Variants in DTNB observed in about 807,000 individuals in gnomAD.
The protein encoded by DTNB is DTN-B.
DTNB carries 63 observed loss-of-function variants against 90.7 expected under a neutral mutation model. The observed-to-expected ratio is 0.69, with a 90% CI of 0.57 to 0.86. DTNB has a LOEUF of 0.86. Among genes scored for constraint, DTNB ranks in the 40% least tolerant of loss-of-function variants. The probability of loss-of-function intolerance (pLI) is 0.00; values close to 1 mark genes in which losing one functional copy is unlikely to be tolerated. For synonymous variants in DTNB, 277 were observed against 286.7 expected (o/e 0.97, Z 0.34); for missense variants, 744 against 807.1 (o/e 0.92, Z 0.95).
At chr2:25,546,174 G>A (rs2082362458) in intron 8 of DTNB, among the ~76,000 whole-genome samples, 2 of 152,140 alleles carry the variant, frequency 1.3e-5, no homozygotes, top group South Asian at 4.1e-4. Flanking sequence ...CAACCAATCA[G>A]AACTAGGCAA....
At chr2:25,458,623 C>A (rs1558614204) in intron 10 of DTNB, among the ~76,000 whole-genome samples, 1 of 151,868 alleles carries the variant, frequency 6.6e-6, no homozygotes, top group African/African-American at 2.4e-5. Context: ...TGTGTACCCC[C>A]ACACCCGGCT....
chr2:25,578,185 A>AT (rs1404439734), intron 7 of DTNB, among the ~76,000 whole-genome samples: 1 of 152,218 alleles, frequency 6.6e-6, no homozygotes, highest in Admixed American at 6.5e-5. Context: ...GTATGAGGTG[A>AT]TAAAAACAAT....
Position 25,653,478 on chromosome 2 carries a change from GCTTTCTTTCTTTCTTT to G in DTNB, c.-1-833_-1-818del, listed in dbSNP as rs1201675268. On this transcript the variant is annotated intron_variant, in intron 1 of 20. Transcript: ENST00000406818. Reference sequence around the variant, plus strand: ...AGGAAAAGAAAACTGTTCAGAGCTTGCTTTCTTTCTTTCTTTCTTTCTTTCTTTCTTTCTTTCTTTT... The same window carrying G: ...AGGAAAAGAAAACTGTTCAGAGCTTGCTTTCTTTCTTTCTTTCTTTCTTTT... Among the ~76,000 whole-genome samples, 32 of 116,610 alleles carry G rather than the reference GCTTTCTTTCTTTCTTT, an allele frequency of 2.7e-4. 1 individual carries two copies. The highest frequency in any genetic ancestry group is 6.4e-4 in the African/African-American group (18 of 28,034). The allele number at this position is 116,610 out of a possible 152,430, so 76.5% of individuals were successfully genotyped here.
intron 9 of DTNB, among the ~76,000 whole-genome samples, chr2:25,523,963 G>A (rs755671565): frequency 1.3e-5 from 2 of 148,772 alleles, no homozygotes; most frequent in South Asian, 2.1e-4. Context: ...GTGCAATGGC[G>A]TGATCTTGGC....
chr2:25,581,864 A>G (rs543705309), intron 6 of DTNB, among the ~76,000 whole-genome samples: 1 of 152,368 alleles, frequency 6.6e-6, no homozygotes, highest in East Asian at 1.9e-4. Context: ...AGAAGAGCCC[A>G]GACAACAGGG....
chr2:25,487,502 A>C (rs776644706), intron 9 of DTNB, among the ~76,000 whole-genome samples: 43 of 152,264 alleles, frequency 2.8e-4, no homozygotes, highest in Middle Eastern at 3.4e-3. Context: ...TTGGGTTTCC[A>C]TATCTGTGGG....
intron 12 of DTNB, among the ~76,000 whole-genome samples, chr2:25,448,149 T>TGTAGA (rs2058704495): frequency 2.6e-5 from 4 of 152,238 alleles, no homozygotes; most frequent in African/African-American, 9.6e-5. Flanking sequence ...CACAGCTCCC[T>TGTAGA]GCATTTTTCC....
chr2:25,589,694 T>C (rs2063184583), intron 6 of DTNB, among the ~76,000 whole-genome samples: 3 of 152,166 alleles, frequency 2.0e-5, no homozygotes, highest in Admixed American at 2.0e-4. Flanking sequence ...TTCATAAAGA[T>C]AGGCATCAAA....
chr2:25,385,487 C>T (rs2039220082), intron 18 of DTNB, among the ~76,000 whole-genome samples: 1 of 152,210 alleles, frequency 6.6e-6, no homozygotes, highest in African/African-American at 2.4e-5. Context: ...TACCTACAGG[C>T]TTCAGTGACT....
Position 25,504,687 on chromosome 2 carries a change from T to A in DTNB, c.1002-21814A>T, listed in dbSNP as rs887308331. On this transcript the variant is annotated intron_variant, in intron 9 of 20. Coordinates refer to ENST00000406818, the MANE Select transcript of DTNB (RefSeq NM_021907.5). Reference sequence around the variant, plus strand: ...ATTTAACCAAAGTGTGAAGCTTGTATACTGAAAATTATAAAACATCATTGA... The same window carrying A: ...ATTTAACCAAAGTGTGAAGCTTGTAAACTGAAAATTATAAAACATCATTGA... Among the ~76,000 whole-genome samples the A allele has an allele frequency of 2.6e-5, 4 of 152,296 alleles. No individual in the cohort carries two copies. In the East Asian group the frequency reaches 7.7e-4, roughly 29 times the overall value.
chr2:25,581,958 G>A (rs973372006), intron 6 of DTNB, among the ~76,000 whole-genome samples: 76 of 152,198 alleles, frequency 5.0e-4, no homozygotes, highest in African/African-American at 1.7e-3. Flanking sequence ...TGGCTGGGGC[G>A]AAGCCAAAAG....
At chr2:25,391,140 C>G (rs2040991961) in intron 16 of DTNB, among the ~76,000 whole-genome samples, 1 of 152,072 alleles carries the variant, frequency 6.6e-6, no homozygotes, top group South Asian at 2.1e-4. Context: ...TCGTGATCCA[C>G]CTGCCTCGGC....
intron 2 of DTNB, among the ~76,000 whole-genome samples, chr2:25,643,908 G>A (rs551005475): frequency 6.6e-6 from 1 of 152,286 alleles, no homozygotes; most frequent in African/African-American, 2.4e-5. Context: ...TAAAGACCTT[G>A]CTGATAAAAC....
At chr2:25,545,967 T>C (rs970414820) in intron 8 of DTNB, among the ~76,000 whole-genome samples, 2 of 152,160 alleles carry the variant, frequency 1.3e-5, no homozygotes, top group African/African-American at 4.8e-5. Flanking sequence ...AGTCAATCCT[T>C]CCAGATGAAT....
At chr2:25,414,146 T>C (rs1426409806) in intron 16 of DTNB, among the ~76,000 whole-genome samples, 1 of 152,242 alleles carries the variant, frequency 6.6e-6, no homozygotes, top group Non-Finnish European at 1.5e-5. Context: ...CCTGTAAATT[T>C]GTTTGAGTTC....
intron 14 of DTNB, among the ~76,000 whole-genome samples, chr2:25,432,431 T>C (rs2054210336): frequency 6.6e-6 from 1 of 152,076 alleles, no homozygotes; most frequent in Non-Finnish European, 1.5e-5. Flanking sequence ...GGTGCAAGGG[T>C]TTCATGTCTC....
In DTNB at chr2:25,410,270, C is replaced by T. The variant is rs553063561; in HGVS notation, c.1575+9245G>A. ...GAGAGGAAAAGACAGAAATATAGTA[C>T]AGGAGGGAAATTTAGGAAGTAGGTA... On this transcript the variant is annotated intron_variant, in intron 16 of 20. Transcript: ENST00000406818. Among the ~76,000 whole-genome samples, 10 of 152,048 alleles carry T rather than the reference C, an allele frequency of 6.6e-5. 1 individual carries two copies. The East Asian group carries it at 1.7e-3, about 26-fold the overall frequency.
At chr2:25,521,143 A>C (rs1413706661) in intron 9 of DTNB, among the ~76,000 whole-genome samples, 1 of 152,194 alleles carries the variant, frequency 6.6e-6, no homozygotes, top group Non-Finnish European at 1.5e-5. Flanking sequence ...TTGGGCCATC[A>C]AACCAAAGAT....
chr2:25,610,306 C>T (rs1038836152), intron 4 of DTNB, among the ~76,000 whole-genome samples: 3 of 152,134 alleles, frequency 2.0e-5, no homozygotes, highest in Non-Finnish European at 4.4e-5. Context: ...AGTTTAGCTA[C>T]ACTTCCTTTT....
Sources: allele counts gnomAD v4.1 joint callset (sites outside exome capture counted in the v4.1 genomes callset), GRCh38; gene constraint gnomAD v4.1.1; transcripts MANE v1.5; gene names NCBI Gene and HGNC (gene_info 2026-07-23, HGNC 2026-07-21).